Variants in MYO1E observed in about 807,000 individuals in gnomAD.
MYO1E encodes myosin IE.
MYO1E carries 68 observed loss-of-function variants against 151.1 expected under a neutral mutation model. That is an observed-to-expected ratio of 0.45 (90% CI 0.37 to 0.55). The LOEUF is 0.55. Ranked by LOEUF, MYO1E falls within the 20% of genes least tolerant of loss-of-function variation. The pLI is 0.00. For synonymous variants in MYO1E, 601 were observed against 501.7 expected (o/e 1.20, Z -2.64); for missense variants, 1,363 against 1,389.3 (o/e 0.98, Z 0.30).
chr15:59,144,886 C>T (rs1390610595), intron 26 of MYO1E, among the ~76,000 whole-genome samples: 4 of 152,156 alleles, frequency 2.6e-5, no homozygotes, highest in African/African-American at 9.7e-5. Context: ...TCTTGTTGCC[C>T]AGGCTGGAGT....
At chr15:59,349,854 A>G (rs1596437516) in intron 1 of MYO1E, among the ~76,000 whole-genome samples, 1 of 152,206 alleles carries the variant, frequency 6.6e-6, no homozygotes, top group African/African-American at 2.4e-5. Flanking sequence ...AAGACAATCT[A>G]TTAAAAGACT....
chr15:59,137,365 A>G lies in MYO1E; in HGVS notation c.*15T>C. On this transcript the variant is annotated 3_prime_UTR_variant, in exon 28 of 28. Coordinates refer to ENST00000288235, the MANE Select transcript of MYO1E (RefSeq NM_004998.4). The stretch of plus-strand genomic sequence containing the variant: ...CTGGAGCTCCTCTGCCCCATGTGTC[A>G]GAGTCACGGGCACCTCAGATCTTGG... 6.2e-7 allele frequency: 1 copy of G among 1,613,048 alleles called. No individual in the cohort carries two copies. The highest frequency in any genetic ancestry group is 1.7e-4 in the Middle Eastern group (1 of 6,060).
chr15:59,364,069 T>A (rs149521137), intron 1 of MYO1E, among the ~76,000 whole-genome samples: 15 of 152,274 alleles, frequency 9.9e-5, no homozygotes, highest in African/African-American at 3.6e-4. Flanking sequence ...TGAGCCACCA[T>A]GCCCAGCTCT....
chr15:59,222,573 A>G (rs1009686517), intron 9 of MYO1E, among the ~76,000 whole-genome samples: 2 of 152,212 alleles, frequency 1.3e-5, no homozygotes, highest in South Asian at 2.1e-4. Context: ...CAGAAATCCA[A>G]TGTAATCCAA....
intron 1 of MYO1E, among the ~76,000 whole-genome samples, chr15:59,369,616 GT>G (rs1274604671): frequency 6.6e-6 from 1 of 151,958 alleles, no homozygotes; most frequent in South Asian, 2.1e-4. Flanking sequence ...GATGTGCAGG[GT>G]TTTTTTTAAC....
At chr15:59,166,379 A>G (rs532529045) in intron 22 of MYO1E, among the ~76,000 whole-genome samples, 2 of 152,092 alleles carry the variant, frequency 1.3e-5, no homozygotes, top group African/African-American at 4.8e-5. Flanking sequence ...GTGTTGAAAG[A>G]CCTCTTCCTA....
intron 18 of MYO1E, among the ~76,000 whole-genome samples, chr15:59,182,466 G>A (rs538090630): frequency 6.6e-6 from 1 of 152,242 alleles, no homozygotes; most frequent in South Asian, 2.1e-4. Context: ...GCCCACTGCG[G>A]CCTCCCAAAG....
chr15:59,219,335 G>A (rs529911496), intron 9 of MYO1E, among the ~76,000 whole-genome samples: 17 of 152,294 alleles, frequency 1.1e-4, no homozygotes, highest in African/African-American at 4.1e-4. Flanking sequence ...TTTTATAGAT[G>A]CAATGCAAAT....
Position 59,277,560 on chromosome 15 carries a change from A to ACAACAAC in MYO1E, c.4-5112_4-5111insGTTGTTG, listed in dbSNP as rs1365243339. Among the ~76,000 whole-genome samples the ACAACAAC allele has an allele frequency of 1.0e-3, 131 of 126,790 alleles. 3 individuals carry two copies. The Middle Eastern group carries it at 0.011, about 11-fold the overall frequency. The allele number at this position is 126,790 out of a possible 152,430, so 83.2% of individuals were successfully genotyped here. A position where few individuals can be genotyped will look rare whatever the true frequency, so the allele number is the denominator to read the frequency against. ...CTCCATCCCCCCACAAAAAAAAAAA[A>ACAACAAC]AAAAAAAAAAAAACATCAAAGCCTC... is the stretch of plus-strand genomic sequence containing the variant. On this transcript the variant is annotated intron_variant, in intron 1 of 27. Transcript: ENST00000288235.
At chr15:59,283,440 A>T (rs1216801666) in intron 1 of MYO1E, among the ~76,000 whole-genome samples, 1 of 152,020 alleles carries the variant, frequency 6.6e-6, no homozygotes, top group Non-Finnish European at 1.5e-5. Flanking sequence ...TCATCTTGCT[A>T]AGAAGCCTGC....
intron 1 of MYO1E, among the ~76,000 whole-genome samples, chr15:59,323,045 T>C (rs2080637736): frequency 6.7e-6 from 1 of 149,896 alleles, no homozygotes; most frequent in African/African-American, 2.5e-5. Flanking sequence ...GGTGGGCACC[T>C]GTAGTCCCAG....
Position 59,187,942 on chromosome 15 carries a change from G to A in MYO1E, c.1904+176C>T, listed in dbSNP as rs11071412. On this transcript the variant is annotated intron_variant, in intron 18 of 27. Coordinates refer to ENST00000288235, the MANE Select transcript of MYO1E (RefSeq NM_004998.4). ...TTGGAGGTTGACAACAAAGGGAAGC[G>A]TGATTTCTTTTCAGGGTAAGAAAAT... Among the ~76,000 whole-genome samples, 66,728 of 152,104 alleles carry A rather than the reference G, an allele frequency of 0.44. 17,483 individuals are homozygous for A. Among genetic ancestry groups the A allele is most frequent in the Non-Finnish European group, 0.61 (41,162 of 67,964 alleles).
chr15:59,184,082 C>T (rs1350444711), intron 18 of MYO1E, among the ~76,000 whole-genome samples: 3 of 152,222 alleles, frequency 2.0e-5, no homozygotes, highest in Non-Finnish European at 4.4e-5. Context: ...AATCTCGGCT[C>T]ACTGCAACCT....
At chr15:59,138,900 A>G (rs1310934096) in intron 26 of MYO1E, among the ~76,000 whole-genome samples, 1 of 152,112 alleles carries the variant, frequency 6.6e-6, no homozygotes, top group Non-Finnish European at 1.5e-5. Context: ...TATGAAAGGA[A>G]TCATATTCCA....
At chr15:59,298,489 C>T (rs1230628866) in intron 1 of MYO1E, among the ~76,000 whole-genome samples, 1 of 152,146 alleles carries the variant, frequency 6.6e-6, no homozygotes, top group Non-Finnish European at 1.5e-5. Flanking sequence ...CTTAATGGCC[C>T]AGACAGCACT....
rs377061796 is a variant in MYO1E at position 59,138,353 on chromosome 15, G to A, written c.3095C>T (p.Thr1032Ile). The change falls in exon 27 of 28, where the codon ACA (threonine) becomes ATA (isoleucine). Residue 1032 changes from threonine (T) to isoleucine (I), a missense_variant. Thr to Ile is a moderately conservative substitution (Grantham distance 89, BLOSUM62 -1). Transcript: ENST00000288235. ...DQGAAGVRRQ[T>I]TSRPPPAGGR... Reference sequence around the variant, plus strand: ...CCCTGCTGGGGGAGGCCGACTGGTTGTTTGTCTCCTGACCCTGTGGAGAGA... The same window carrying A: ...CCCTGCTGGGGGAGGCCGACTGGTTATTTGTCTCCTGACCCTGTGGAGAGA... 5.0e-6 allele frequency: 8 copies of A among 1,614,082 alleles called. No homozygotes were observed. The highest frequency in any genetic ancestry group is 6.8e-6 in the Non-Finnish European group (8 of 1,179,962).
At chr15:59,260,056 A>G (rs2080216503) in intron 3 of MYO1E, among the ~76,000 whole-genome samples, 1 of 152,274 alleles carries the variant, frequency 6.6e-6, no homozygotes. Context: ...TGTTACTATT[A>G]GCAGTAAAAT....
At chr15:59,194,819 A>C (rs1271759045) in intron 17 of MYO1E, among the ~76,000 whole-genome samples, 2 of 152,212 alleles carry the variant, frequency 1.3e-5, no homozygotes, top group Non-Finnish European at 2.9e-5. Context: ...CTTCCTGCCC[A>C]GGCCACTTCC....
intron 26 of MYO1E, among the ~76,000 whole-genome samples, chr15:59,144,584 C>T (rs537161076): frequency 2.0e-5 from 3 of 152,184 alleles, no homozygotes; most frequent in African/African-American, 4.8e-5. Context: ...TGTAAGCCAC[C>T]GCACCGGGTT....
Sources: allele counts gnomAD v4.1 joint callset (sites outside exome capture counted in the v4.1 genomes callset), GRCh38; gene constraint gnomAD v4.1.1; transcripts MANE v1.5; gene names NCBI Gene and HGNC (gene_info 2026-07-23, HGNC 2026-07-21).